Variants in INIP observed in about 807,000 individuals in gnomAD.
INIP encodes SOSS complex subunit C.
Under a neutral mutation model 14.0 loss-of-function variants are expected in INIP, and 9 were observed. The ratio of observed to expected loss-of-function variants is 0.64; its 90% CI spans 0.39 to 1.12. The LOEUF is 1.12. INIP is among the 50% of genes most tolerant of loss of function. The pLI is 0.01. For missense variants in INIP, 78 were observed against 122.7 expected (o/e 0.64, Z 1.72); for synonymous variants, 37 against 41.5 (o/e 0.89, Z 0.41).
At chr9:112,691,333 C>T (rs1486301533) in intron 3 of INIP, among the ~76,000 whole-genome samples, 5 of 152,182 alleles carry the variant, frequency 3.3e-5, no homozygotes, top group Non-Finnish European at 5.9e-5. Flanking sequence ...GCAGCCTGAA[C>T]CATTTACTGA....
At chr9:112,693,091 T>G (rs187529751) in intron 3 of INIP, among the ~76,000 whole-genome samples, 7 of 151,868 alleles carry the variant, frequency 4.6e-5, no homozygotes, top group African/African-American at 1.7e-4. Context: ...ATATTCTAGT[T>G]AGAATGTTTA....
intron 2 of INIP, among the ~76,000 whole-genome samples, chr9:112,706,374 A>G (rs1838468374): frequency 6.6e-6 from 1 of 151,990 alleles, no homozygotes; most frequent in Non-Finnish European, 1.5e-5. Context: ...TCAGCCTCCA[A>G]AGCAGCTAAG....
At chr9:112,688,426 A>C (rs1837760684) in intron 4 of INIP, among the ~76,000 whole-genome samples, 1 of 151,968 alleles carries the variant, frequency 6.6e-6, no homozygotes, top group Non-Finnish European at 1.5e-5. Context: ...TAAAATACCA[A>C]CATTTGGTAG....
intron 2 of INIP, among the ~76,000 whole-genome samples, chr9:112,698,384 G>A (rs957994794): frequency 2.0e-5 from 3 of 151,136 alleles, no homozygotes; most frequent in African/African-American, 7.3e-5. Context: ...ACACATGAAG[G>A]TTCCATAATT....
At chr9:112,713,115 A>G (rs1031079319) in intron 2 of INIP, among the ~76,000 whole-genome samples, 1 of 152,266 alleles carries the variant, frequency 6.6e-6, no homozygotes, top group African/African-American at 2.4e-5. Context: ...TGCTAATAAA[A>G]GAAATAACCC....
chr9:112,714,073 A>C (rs74873854), intron 2 of INIP, among the ~76,000 whole-genome samples: 10,576 of 152,250 alleles, frequency 0.069, 482 homozygotes, highest in South Asian at 0.11. Context: ...ACAACCCCAA[A>C]GTTTACAAAC....
chr9:112,696,341 G>A (rs1345807916), intron 2 of INIP, among the ~76,000 whole-genome samples: 1 of 152,072 alleles, frequency 6.6e-6, no homozygotes, highest in African/African-American at 2.4e-5. Flanking sequence ...CATGCTGCAC[G>A]TCATGACTGG....
rs549100499 is a variant in INIP at position 112,689,102 on chromosome 9, T to G, written c.219+425A>C. ...TAAGAGTTAGCTATGAAATATTTCCTGCACAACAGTTGTGCTGAGCATTTA... is the reference window on the plus strand; with the variant it reads ...TAAGAGTTAGCTATGAAATATTTCCGGCACAACAGTTGTGCTGAGCATTTA... On this transcript the variant is annotated intron_variant, in intron 4 of 4. Coordinates refer to ENST00000374242, the MANE Select transcript of INIP (RefSeq NM_021218.3). 2.3e-3 allele frequency among the ~76,000 whole-genome samples: 349 copies of G among 152,116 alleles called. 2 individuals carry two copies. The Middle Eastern group carries it at 0.027, about 12-fold the overall frequency.
In INIP at chr9:112,684,188, TAAAC is replaced by T. The variant is rs1306265799; in HGVS notation, c.*3346_*3349del. 3 of 151,870 alleles carry T rather than the reference TAAAC, an allele frequency of 2.0e-5. No homozygotes were observed. Among genetic ancestry groups the T allele is most frequent in the Non-Finnish European group, 2.9e-5 (2 of 67,968 alleles). 9.4% of individuals were successfully genotyped at this position (151,870 alleles called of 1,614,324 possible). A position where few individuals can be genotyped will look rare whatever the true frequency, so the allele number is the denominator to read the frequency against. ...AAAGGAAAGGAGGAAGAGAAAGAAA[TAAAC>T]AAAAATTCTTGCTCTCTAAGACTTT... On this transcript the variant is annotated 3_prime_UTR_variant, in exon 5 of 5. Transcript: ENST00000374242.
chr9:112,689,253 G>A (rs914166915), intron 4 of INIP, among the ~76,000 whole-genome samples: 2 of 152,098 alleles, frequency 1.3e-5, no homozygotes, highest in Admixed American at 6.6e-5. Context: ...TTCCTGTCCA[G>A]CCAAATATCC....
chr9:112,714,222 T>C (rs1467690599), intron 2 of INIP, among the ~76,000 whole-genome samples: 1 of 151,926 alleles, frequency 6.6e-6, no homozygotes, highest in Non-Finnish European at 1.5e-5. Flanking sequence ...CTGGACCAAA[T>C]GAGTATACAC....
intron 2 of INIP, among the ~76,000 whole-genome samples, chr9:112,699,622 G>T (rs1429288907): frequency 6.6e-6 from 1 of 152,050 alleles, no homozygotes; most frequent in Admixed American, 6.6e-5. Flanking sequence ...AGTATATAAA[G>T]AATTCAGTAC....
intron 2 of INIP, among the ~76,000 whole-genome samples, chr9:112,695,491 G>A (rs142988587): frequency 1.4e-4 from 22 of 152,120 alleles, no homozygotes; most frequent in African/African-American, 5.3e-4. Flanking sequence ...ACTAGCTAGG[G>A]ATGGTGTAGG....
At chr9:112,695,634 C>T (rs79651826) in intron 2 of INIP, among the ~76,000 whole-genome samples, 301 of 152,144 alleles carry the variant, frequency 2.0e-3, no homozygotes, top group African/African-American at 6.8e-3. Flanking sequence ...TCTATCATCT[C>T]CCATTTTCCC....
At chr9:112,703,420 AT>A (rs1284405254) in intron 2 of INIP, among the ~76,000 whole-genome samples, 2 of 152,176 alleles carry the variant, frequency 1.3e-5, no homozygotes, top group East Asian at 3.8e-4. Flanking sequence ...ACTATTCTCC[AT>A]TAAGAAGGAA....
chr9:112,707,644 CTG>C (rs1446905735), intron 2 of INIP, among the ~76,000 whole-genome samples: 1 of 152,102 alleles, frequency 6.6e-6, no homozygotes, highest in African/African-American at 2.4e-5. Context: ...TAAAGACTAA[CTG>C]AAATTCTTCT....
chr9:112,708,883 T>C (rs1838564125), intron 2 of INIP, among the ~76,000 whole-genome samples: 1 of 151,916 alleles, frequency 6.6e-6, no homozygotes, highest in Admixed American at 6.6e-5. Context: ...CTAAATGGAT[T>C]CTAGGAAAGA....
At chr9:112,713,935 G>A (rs546600028) in intron 2 of INIP, among the ~76,000 whole-genome samples, 8 of 149,758 alleles carry the variant, frequency 5.3e-5, no homozygotes, top group Non-Finnish European at 1.2e-4. Context: ...AGTGAGCTGA[G>A]ATCACGCTAT....
At chr9:112,692,798 GGAGGCT>G (rs1837937762) in intron 3 of INIP, among the ~76,000 whole-genome samples, 1 of 151,792 alleles carries the variant, frequency 6.6e-6, no homozygotes, top group Non-Finnish European at 1.5e-5. Flanking sequence ...CAGCACTTTG[GGAGGCT>G]GAGGCAGGAG....
Sources: allele counts gnomAD v4.1 joint callset (sites outside exome capture counted in the v4.1 genomes callset), GRCh38; gene constraint gnomAD v4.1.1; transcripts MANE v1.5; gene names NCBI Gene and HGNC (gene_info 2026-07-23, HGNC 2026-07-21).